The following NFATC1 variants were observed in gnomAD, a reference collection of about 807,000 sequenced individuals.
NFATC1 encodes the protein nuclear factor of activated T-cells, cytoplasmic 1.
A neutral mutation model predicts 76.0 loss-of-function variants in NFATC1; 22 were observed. The ratio of observed to expected loss-of-function variants is 0.29; its 90% CI spans 0.21 to 0.41. The LOEUF (loss-of-function observed/expected upper bound fraction) is 0.41. Among genes scored for constraint, NFATC1 ranks in the 10% least tolerant of loss-of-function variants. The pLI, the probability that NFATC1 is intolerant of heterozygous loss-of-function variation, is 1.00. For synonymous variants in NFATC1, 704 were observed against 613.1 expected (o/e 1.15, Z -2.19); for missense variants, 1,357 against 1,337.7 (o/e 1.01, Z -0.23).
chr18:79,425,195 C>G, intron 2 of NFATC1, among the ~76,000 whole-genome samples: 1 of 151,078 alleles, frequency 6.6e-6, no homozygotes, highest in South Asian at 2.1e-4. Context: ...CTCTGTCTCT[C>G]TGTTTCTCTC....
At chr18:79,435,893 T>C (rs306870) in intron 3 of NFATC1, among the ~76,000 whole-genome samples, 146,383 of 152,258 alleles carry the variant, frequency 0.96, 70,403 homozygotes, top group Admixed American at 0.97. Context: ...GCACGGAGAA[T>C]GTCAGGAGCT....
chr18:79,403,525 G>A (rs536371346), intron 1 of NFATC1, among the ~76,000 whole-genome samples: 3 of 152,208 alleles, frequency 2.0e-5, no homozygotes, highest in Non-Finnish European at 4.4e-5. Flanking sequence ...CCTGCTTCCC[G>A]CCCCAGGGCT....
Position 79,437,140 on chromosome 18 carries a change from G to A in NFATC1, c.1386+3402G>A, listed in dbSNP as rs559002884. On this transcript the variant is annotated intron_variant, in intron 3 of 9. Transcript: ENST00000427363. The stretch of plus-strand genomic sequence containing the variant: ...GGACGTGGTCCCTGCGGGGTCTGGC[G>A]GGACCTCGGCCATGGTGATGGGTGC... Among the ~76,000 whole-genome samples the A allele has an allele frequency of 6.6e-5, 10 of 152,236 alleles. 2 individuals carry two copies. Among genetic ancestry groups the A allele is most frequent in the Non-Finnish European group, 1.3e-4 (9 of 68,040 alleles).
chr18:79,474,194 G>A (rs1238232691), intron 8 of NFATC1, among the ~76,000 whole-genome samples: 1 of 83,694 alleles, frequency 1.2e-5, no homozygotes, highest in Non-Finnish European at 2.2e-5. Context: ...TAAACCTGAG[G>A]GAAGCGTGTT....
chr18:79,434,502 C>T (rs933653456), intron 3 of NFATC1, among the ~76,000 whole-genome samples: 1 of 152,240 alleles, frequency 6.6e-6, no homozygotes, highest in Non-Finnish European at 1.5e-5. Flanking sequence ...TTCTTCGTTC[C>T]ACCTGTTACC....
chr18:79,440,172 A>C (rs1448564399), intron 3 of NFATC1, among the ~76,000 whole-genome samples: 1 of 152,190 alleles, frequency 6.6e-6, no homozygotes, highest in African/African-American at 2.4e-5. Context: ...TCAGCCTCCA[A>C]AATCTTCTAT....
intron 9 of NFATC1, chr18:79,497,780 T>C (rs1397886022): frequency 2.7e-5 from 4 of 149,926 alleles, no homozygotes; most frequent in Non-Finnish European, 5.9e-5. Context: ...GACACACAGG[T>C]TTTGTGATTA....
intron 6 of NFATC1, among the ~76,000 whole-genome samples, chr18:79,452,506 C>T (rs1398344192): frequency 6.6e-6 from 1 of 152,218 alleles, no homozygotes; most frequent in African/African-American, 2.4e-5. Context: ...GGATTGGGCT[C>T]ACAGAGTGGC....
intron 6 of NFATC1, among the ~76,000 whole-genome samples, chr18:79,453,769 G>A (rs1404237986): frequency 5.3e-5 from 8 of 152,232 alleles, no homozygotes; most frequent in Non-Finnish European, 1.0e-4. Flanking sequence ...GCCAGACCAC[G>A]TTGATAATTT....
intron 3 of NFATC1, among the ~76,000 whole-genome samples, chr18:79,436,566 C>G (rs928642484): frequency 7.2e-5 from 11 of 152,206 alleles, no homozygotes; most frequent in African/African-American, 2.7e-4. Context: ...CCCGCTGTCT[C>G]CGTCCTCCCC....
chr18:79,397,296 A>G (rs2085040844), intron 1 of NFATC1, among the ~76,000 whole-genome samples: 1 of 152,252 alleles, frequency 6.6e-6, no homozygotes. Flanking sequence ...GCTCTGAAAT[A>G]TTTTATATAA....
At chr18:79,409,332 TCATC>T (rs139023757) in intron 1 of NFATC1, among the ~76,000 whole-genome samples, 74,156 of 147,786 alleles carry the variant, frequency 0.5, 20,266 homozygotes, top group East Asian at 0.85. Context: ...ATCCATTCAT[TCATC>T]CATCCATCCA....
At chr18:79,398,191 C>T (rs1428810720) in intron 1 of NFATC1, among the ~76,000 whole-genome samples, 3 of 152,216 alleles carry the variant, frequency 2.0e-5, no homozygotes, top group Admixed American at 1.3e-4. Context: ...GGGCTTGCTT[C>T]CTCATGGAGA....
At chr18:79,420,096 T>C (rs938640667) in intron 2 of NFATC1, among the ~76,000 whole-genome samples, 2 of 152,172 alleles carry the variant, frequency 1.3e-5, no homozygotes, top group South Asian at 2.1e-4. Flanking sequence ...TGTGAGACCA[T>C]GTGGCCTGCA....
chr18:79,458,692 G>A (rs560879082), intron 6 of NFATC1, among the ~76,000 whole-genome samples: 3 of 152,360 alleles, frequency 2.0e-5, no homozygotes, highest in Admixed American at 6.5e-5. Context: ...TTTCAGGACC[G>A]GCTGCCTTCC....
chr18:79,407,014 C>A (rs1448298004), intron 1 of NFATC1, among the ~76,000 whole-genome samples: 2 of 152,202 alleles, frequency 1.3e-5, no homozygotes, highest in African/African-American at 4.8e-5. Flanking sequence ...TTTGCACGGG[C>A]CACGGAGGGG....
intron 2 of NFATC1, among the ~76,000 whole-genome samples, chr18:79,429,529 C>A (rs1182619021): frequency 6.6e-6 from 1 of 152,186 alleles, no homozygotes; most frequent in Non-Finnish European, 1.5e-5. Flanking sequence ...AGACCCCCGA[C>A]TGAAGCACGC....
intron 7 of NFATC1, among the ~76,000 whole-genome samples, chr18:79,463,659 T>C (rs2088267829): frequency 6.6e-6 from 1 of 152,246 alleles, no homozygotes; most frequent in Non-Finnish European, 1.5e-5. Flanking sequence ...CCCACTGGGC[T>C]GCCCTTGCTC....
chr18:79,461,921 G>C (rs941621107), intron 7 of NFATC1, among the ~76,000 whole-genome samples: 1 of 152,260 alleles, frequency 6.6e-6, no homozygotes, highest in Non-Finnish European at 1.5e-5. Context: ...AAGAGCCTGG[G>C]CGTGGCTCCT....
Sources: gnomAD v4.1 joint callset for allele counts (sites outside exome capture counted in the v4.1 genomes callset) on GRCh38, gnomAD v4.1.1 for gene constraint, MANE v1.5 for transcripts, NCBI Gene and HGNC (gene_info 2026-07-23, HGNC 2026-07-21) for gene names.